PATL2: variants seen among roughly 807,000 people sequenced by gnomAD.
PATL2 encodes PAT1 homolog 2, also known as protein PAT1 homolog 2.
In PATL2, 73 loss-of-function variants were observed where a neutral mutation model predicts 77.0. The observed-to-expected ratio is 0.95, with a 90% CI of 0.78 to 1.15. The LOEUF (loss-of-function observed/expected upper bound fraction) is 1.15, where lower values mean the gene tolerates loss of function less well. Ranked by LOEUF, PATL2 falls within the 50% of genes most tolerant of loss-of-function variation. PATL2 has a pLI of 0.00. For synonymous variants in PATL2, 265 were observed against 257.1 expected, an observed-to-expected ratio of 1.03 and a Z score of -0.29; for missense variants, 618 against 655.4, an observed-to-expected ratio of 0.94 and a Z score of 0.62.
At chr15:44,671,399 G>C (rs1035173734) in intron 9 of PATL2, among the ~76,000 whole-genome samples, 2 of 152,026 alleles carry the variant, frequency 1.3e-5, no homozygotes, top group Non-Finnish European at 2.9e-5. Context: ...TGAGGCAGGA[G>C]AATCACCTGA....
chr15:44,699,151 T>C (rs1256912133), intron 3 of PATL2, among the ~76,000 whole-genome samples: 1 of 152,172 alleles, frequency 6.6e-6, no homozygotes, highest in Non-Finnish European at 1.5e-5. Flanking sequence ...TTATTAATAC[T>C]TGTGAGATGG....
Position 44,672,402 on chromosome 15 carries a change from ATGCTGC to A in PATL2, c.495_500del (p.Gln165_Gln166del), listed in dbSNP as rs1224666697. 8 of 1,551,496 alleles carry A rather than the reference ATGCTGC, an allele frequency of 5.2e-6. No homozygotes were observed. The highest frequency in any genetic ancestry group is 2.7e-5 in the African/African-American group (2 of 73,024). ...CTGGGCTTTACCTTGGTGTTTGACT[ATGCTGC>A]TGCTGCTGCAAGATTCGTTGGTGCC... On this transcript the variant is annotated inframe_deletion, in exon 8 of 18. Transcript: ENST00000682850.
chr15:44,667,909 C>CT (rs1457206932), intron 15 of PATL2, among the ~76,000 whole-genome samples: 2 of 152,242 alleles, frequency 1.3e-5, no homozygotes, highest in Admixed American at 1.3e-4. Context: ...TGCCACTGTA[C>CT]TCCAGCCTGG....
In PATL2 at chr15:44,672,151, G is replaced by C; in HGVS notation, c.521C>G (p.Pro174Arg). The C allele has an allele frequency of 6.4e-7, 1 of 1,551,664 alleles. No homozygotes were observed. The highest frequency in any genetic ancestry group is 8.7e-7 in the Non-Finnish European group (1 of 1,146,982). ...CTGCTGAGACCAAGGCTTCTTGGCT[G>C]GGGGACTTTAAGCCAGGAGGAACAA... Reference protein sequence around the residue: ...QQQHSQTPSPPAKKPWSQQPD... With the variant: ...QQQHSQTPSPRAKKPWSQQPD... The change falls in exon 9 of 18, where the codon CCA becomes CGA. Residue 174 changes from proline to arginine, a missense_variant. Transcript: ENST00000682850.
At chr15:44,666,564 T>C (rs753217137) in intron 16 of PATL2, 23 bp from the exon 17 acceptor site, 28 of 1,490,608 alleles carry the variant, frequency 1.9e-5, no homozygotes, top group East Asian at 1.5e-4. Context: ...AATATAAATA[T>C]AAGCAAATAG....
chr15:44,668,515 C>T (rs1278042357), intron 14 of PATL2, 33 bp from the exon 15 acceptor site: 2 of 1,543,638 alleles, frequency 1.3e-6, no homozygotes, highest in East Asian at 4.9e-5. Context: ...CTCCCAAATT[C>T]CACTACAACT....
At chr15:44,703,201 G>T (rs998809519) in intron 3 of PATL2, among the ~76,000 whole-genome samples, 5 of 152,084 alleles carry the variant, frequency 3.3e-5, no homozygotes, top group African/African-American at 1.2e-4. Context: ...GTGTGAACCT[G>T]GGAGGTGGAG....
intron 16 of PATL2, 160 bp from the exon 17 acceptor site, chr15:44,666,701 G>A (rs1595953526): frequency 4.4e-6 from 3 of 683,884 alleles, no homozygotes; most frequent in East Asian, 2.8e-5. Context: ...GCCAAGCAAT[G>A]CTTAGTGCTT....
At chr15:44,697,819 C>T (rs781101497) in intron 3 of PATL2, among the ~76,000 whole-genome samples, 2 of 152,186 alleles carry the variant, frequency 1.3e-5, no homozygotes, top group Admixed American at 6.6e-5. Flanking sequence ...CTCTGCATCT[C>T]GGTCTCCTTA....
intron 3 of PATL2, among the ~76,000 whole-genome samples, chr15:44,683,033 G>A (rs1025747476): frequency 5.3e-5 from 8 of 152,216 alleles, no homozygotes; most frequent in African/African-American, 1.4e-4. Flanking sequence ...GAGGGACTGT[G>A]CCTTGAGGGA....
At chr15:44,698,130 G>C (rs2086550771) in intron 3 of PATL2, among the ~76,000 whole-genome samples, 1 of 148,936 alleles carries the variant, frequency 6.7e-6, no homozygotes, top group East Asian at 2.0e-4. Flanking sequence ...GTACATAATG[G>C]GTGTGTGTGT....
At position 44,669,880 on chromosome 15, in the gene PATL2, T is replaced by G; in HGVS notation, c.779-6A>C. The G allele has an allele frequency of 6.4e-7, 1 of 1,551,520 alleles. No homozygotes were observed. Among genetic ancestry groups the G allele is most frequent in the Non-Finnish European group, 8.7e-7 (1 of 1,146,938 alleles). ...GGAACCCTCGATTCGGACCACTGCATGAGAAGAGAGGCACATTTCCTTCCC... is the reference window on the plus strand; with the variant it reads ...GGAACCCTCGATTCGGACCACTGCAGGAGAAGAGAGGCACATTTCCTTCCC... On this transcript the variant is annotated splice_region_variant and splice_polypyrimidine_tract_variant and intron_variant, in intron 10 of 17. Transcript: ENST00000682850.
At chr15:44,685,690 T>C (rs973787216) in intron 3 of PATL2, among the ~76,000 whole-genome samples, 1 of 151,036 alleles carries the variant, frequency 6.6e-6, no homozygotes, top group African/African-American at 2.4e-5. Flanking sequence ...CACACATAGG[T>C]TCAAAATAAA....
Position 44,674,153 on chromosome 15 carries a change from C to G in PATL2, c.300G>C (p.Trp100Cys). 1 of 1,547,466 alleles carries G rather than the reference C, an allele frequency of 6.5e-7. No homozygotes were observed. Among genetic ancestry groups the G allele is most frequent in the Non-Finnish European group, 8.7e-7 (1 of 1,143,362 alleles). ...ATGGAGACTGCAGCAGACTCACCTGCCACAGAAAATGCAAGGAGGCAAGTG... is the reference window on the plus strand; with the variant it reads ...ATGGAGACTGCAGCAGACTCACCTGGCACAGAAAATGCAAGGAGGCAAGTG... ...GMSLASLHFL[W>C]QTLDYLSPIP... Residue 100 changes from tryptophan (W) to cysteine (C), a missense_variant, in exon 6 of 18, where the codon TGG (tryptophan) becomes TGC (cysteine). Trp to Cys is a radical substitution (Grantham distance 215). Transcript: ENST00000682850.
intron 3 of PATL2, among the ~76,000 whole-genome samples, chr15:44,707,989 T>C (rs933872795): frequency 8.5e-5 from 13 of 152,232 alleles, no homozygotes; most frequent in African/African-American, 3.1e-4. Flanking sequence ...CTTCCCAGTG[T>C]TGCTTTGTGC....
At position 44,669,143 on chromosome 15, in the gene PATL2, C is replaced by T; in HGVS notation, c.1065-4G>A. The T allele has an allele frequency of 6.5e-7, 1 of 1,535,758 alleles. No individual in the cohort carries two copies. The highest frequency in any genetic ancestry group is 8.8e-7 in the Non-Finnish European group (1 of 1,137,136). On this transcript the variant is annotated splice_region_variant and splice_polypyrimidine_tract_variant and intron_variant, in intron 13 of 17. Transcript: ENST00000682850. ...CAGGAAGCCATCTGCTGCCTCTCTG[C>T]AAGGGAGAGAGGAGAACATTTTCAG...
intron 3 of PATL2, among the ~76,000 whole-genome samples, chr15:44,681,021 G>A (rs2086122688): frequency 6.6e-6 from 1 of 152,046 alleles, no homozygotes; most frequent in Non-Finnish European, 1.5e-5. Context: ...CATTACCAGT[G>A]ATTTTTCTTT....
chr15:44,688,911 A>G (rs2086323327), intron 3 of PATL2, among the ~76,000 whole-genome samples: 1 of 152,226 alleles, frequency 6.6e-6, no homozygotes, highest in Non-Finnish European at 1.5e-5. Context: ...AACTGTCATC[A>G]GAGTGAATGG....
intron 3 of PATL2, among the ~76,000 whole-genome samples, chr15:44,706,041 C>A (rs1219391683): frequency 6.6e-6 from 1 of 152,172 alleles, no homozygotes; most frequent in African/African-American, 2.4e-5. Flanking sequence ...CTCAAGTGAT[C>A]TACCCACCTT....
Sources: gnomAD v4.1 joint callset for allele counts (sites outside exome capture counted in the v4.1 genomes callset) on GRCh38, gnomAD v4.1.1 for gene constraint, MANE v1.5 for transcripts, NCBI Gene and HGNC (gene_info 2026-07-23, HGNC 2026-07-21) for gene names.